The following CRX variants were observed in gnomAD, a reference collection of about 807,000 sequenced individuals.
CRX encodes the protein cone-rod homeobox, also known as cone-rod homeobox protein.
Under a neutral mutation model 13.1 loss-of-function variants are expected in CRX, and 5 were observed. That is an observed-to-expected ratio of 0.38 (90% CI 0.20 to 0.80). The LOEUF (loss-of-function observed/expected upper bound fraction) is 0.80, where lower values mean the gene tolerates loss of function less well. Among genes scored for constraint, CRX ranks in the 30% least tolerant of loss-of-function variants. The pLI is 0.43. For missense variants in CRX, 351 were observed against 391.8 expected (o/e 0.90, Z 0.88); for synonymous variants, 179 against 171.1 (o/e 1.05, Z -0.36).
At chr19:47,838,544 T>C (rs1421037809) in intron 3 of CRX, among the ~76,000 whole-genome samples, 1 of 152,134 alleles carries the variant, frequency 6.6e-6, no homozygotes, top group African/African-American at 2.4e-5. Flanking sequence ...CATTAATGCA[T>C]GTATGATGTA....
chr19:47,825,459 A>G (rs906829711), intron 1 of CRX, among the ~76,000 whole-genome samples: 2 of 152,130 alleles, frequency 1.3e-5, no homozygotes, highest in Non-Finnish European at 2.9e-5. Context: ...CAGCTGCCTC[A>G]GGTTGCTGCC....
rs146240568 is a variant in CRX at position 47,834,465 on chromosome 19, G to C, written c.22G>C (p.Gly8Arg). Residue 8 changes from glycine (G) to arginine (R), a missense_variant, in exon 2 of 4, where the codon GGG becomes CGG. Physicochemically the swap from Gly to Arg is moderately radical, Grantham distance 125. Coordinates refer to ENST00000221996, the MANE Select transcript of CRX (RefSeq NM_000554.6). MMAYMNP[G>R]PHYSVNALAL... ...GATCATGATGGCGTATATGAACCCG[G>C]GGCCCCACTATTCTGTCAACGCCTT... The C allele has an allele frequency of 3.5e-5, 57 of 1,614,112 alleles. No homozygotes were observed. The African/African-American group carries it at 7.2e-4, about 20-fold the overall frequency.
intron 1 of CRX, among the ~76,000 whole-genome samples, chr19:47,828,078 T>A (rs10410722): frequency 6.6e-6 from 1 of 150,928 alleles, no homozygotes; most frequent in Non-Finnish European, 1.5e-5. Flanking sequence ...CACTTGACCC[T>A]GGGAGGCAGA....
At chr19:47,823,857 C>T (rs368067391) in intron 1 of CRX, among the ~76,000 whole-genome samples, 2 of 152,032 alleles carry the variant, frequency 1.3e-5, no homozygotes, top group South Asian at 4.1e-4. Flanking sequence ...ACCTTGTTAG[C>T]CAGGCTGGTC....
intron 1 of CRX, among the ~76,000 whole-genome samples, chr19:47,832,773 A>C (rs756500439): frequency 2.0e-5 from 3 of 150,854 alleles, no homozygotes; most frequent in Admixed American, 6.6e-5. Flanking sequence ...GGTGTGAGCC[A>C]CTGCGCCTGG....
At chr19:47,824,824 T>C (rs1418522136) in intron 1 of CRX, among the ~76,000 whole-genome samples, 1 of 152,024 alleles carries the variant, frequency 6.6e-6, no homozygotes, top group Non-Finnish European at 1.5e-5. Context: ...GACACTGATA[T>C]TCTTTGTTCC....
intron 2 of CRX, among the ~76,000 whole-genome samples, chr19:47,834,954 C>T (rs1185834199): frequency 1.3e-5 from 2 of 151,814 alleles, no homozygotes; most frequent in African/African-American, 4.8e-5. Flanking sequence ...GCTGGGACTG[C>T]AGGTGTGAGC....
intron 2 of CRX, among the ~76,000 whole-genome samples, chr19:47,835,275 C>G (rs1226828422): frequency 2.0e-5 from 3 of 151,040 alleles, no homozygotes; most frequent in East Asian, 3.9e-4. Context: ...CCAGGCTGGT[C>G]TCAAACTCTT....
chr19:47,822,775 G>A (rs1376419125), intron 1 of CRX, among the ~76,000 whole-genome samples: 1 of 152,014 alleles, frequency 6.6e-6, no homozygotes. Context: ...CACTCTCTCT[G>A]ATCTTCTTTC....
At position 47,825,221 on chromosome 19, in the gene CRX, G is replaced by A. The variant is rs138393852; in HGVS notation, c.-36+3211G>A. Among the ~76,000 whole-genome samples the A allele has an allele frequency of 9.7e-3, 1,478 of 151,964 alleles. 21 individuals are homozygous for A. Among genetic ancestry groups the A allele is most frequent in the African/African-American group, 0.034 (1,395 of 41,438 alleles). On this transcript the variant is annotated intron_variant, in intron 1 of 3. Transcript: ENST00000221996. Reference sequence around the variant, plus strand: ...TTGAACTCCTGACCTCAAGTGATCCGCCTGCTTCAGCCTCCCAAAGTGCTG... The same window carrying A: ...TTGAACTCCTGACCTCAAGTGATCCACCTGCTTCAGCCTCCCAAAGTGCTG...
chr19:47,839,785 C>T lies in CRX; in HGVS notation c.718C>T (p.Pro240Ser). The part of the protein sequence containing the change: ...GGPALSPLSG[P>S]SVGPSLAQSP... ...CCCGGCTCTTAGCCCCCTCTCTGGC[C>T]CCTCCGTGGGACCTTCCCTGGCCCA... The change falls in exon 4 of 4, where the codon CCC becomes TCC. Residue 240 changes from proline (P) to serine (S), a missense_variant. By Grantham distance (74) the Pro-to-Ser change is moderately conservative. Around this residue, in one of 3 missense-constraint regions of CRX, gnomAD observed 253 missense variants for 268.3 expected, o/e 0.94. Transcript: ENST00000221996. The surrounding 1 kb of genome is among the most constrained non-coding windows in gnomAD (Gnocchi z 4.6). The T allele has an allele frequency of 1.2e-6, 2 of 1,614,094 alleles. No homozygotes were observed. The highest frequency in any genetic ancestry group is 1.3e-5 in the African/African-American group (1 of 75,016).
At position 47,839,417 on chromosome 19, in the gene CRX, C is replaced by T; in HGVS notation, c.350C>T (p.Ala117Val). Residue 117 changes from alanine (A) to valine (V), a missense_variant, in exon 4 of 4, where the codon GCC (alanine) becomes GTC (valine). Coordinates refer to ENST00000221996, the MANE Select transcript of CRX (RefSeq NM_000554.6). The surrounding 1 kb of genome is among the most constrained non-coding windows in gnomAD (Gnocchi z 4.6). ...PPGGQAKARP[A>V]KRKAGTSPRP... is the part of the protein sequence containing the mutation. ...GGGGGCCAGGCCAAGGCCCGGCCTG[C>T]CAAGAGGAAGGCGGGCACGTCCCCA... is the stretch of plus-strand genomic sequence containing the variant. 6 of 1,613,826 alleles carry T rather than the reference C, an allele frequency of 3.7e-6. No individual in the cohort carries two copies. The highest frequency in any genetic ancestry group is 5.1e-6 in the Non-Finnish European group (6 of 1,179,844).
rs879667901 is a variant in CRX at position 47,840,098 on chromosome 19, C to T, written c.*131C>T. ...CGAACCAGCTGTCCTTCTGACAGCT[C>T]GGTGTTCAGCTTACAGAGACCACCC... On this transcript the variant is annotated 3_prime_UTR_variant, in exon 4 of 4. Transcript: ENST00000221996. 10 of 1,061,178 alleles carry T rather than the reference C, an allele frequency of 9.4e-6. No homozygotes were observed. The highest frequency in any genetic ancestry group is 2.7e-5 in the South Asian group (2 of 72,918). The allele number at this position is 1,061,178 out of a possible 1,614,324, so 65.7% of individuals were successfully genotyped here.
At chr19:47,823,206 C>T (rs1390813409) in intron 1 of CRX, among the ~76,000 whole-genome samples, 1 of 152,076 alleles carries the variant, frequency 6.6e-6, no homozygotes, top group Non-Finnish European at 1.5e-5. Flanking sequence ...TTGGGTCAGT[C>T]CTAGACACAC....
intron 3 of CRX, 91 bp downstream of exon 3, chr19:47,836,485 T>C: frequency 6.5e-7 from 1 of 1,549,990 alleles, no homozygotes; most frequent in South Asian, 1.1e-5. Flanking sequence ...GAGGGAGAGA[T>C]CACAGAGTGA....
intron 1 of CRX, among the ~76,000 whole-genome samples, chr19:47,823,425 A>G (rs1207649713): frequency 1.3e-5 from 2 of 152,216 alleles, no homozygotes; most frequent in South Asian, 4.1e-4. Flanking sequence ...CACATTGTTG[A>G]TCACGGAGTT....
intron 1 of CRX, among the ~76,000 whole-genome samples, chr19:47,831,221 C>T (rs375968933): frequency 4.1e-5 from 6 of 147,072 alleles, no homozygotes; most frequent in African/African-American, 1.5e-4. Flanking sequence ...GCAGGAGAAT[C>T]GCTTGAACCC....
intron 1 of CRX, among the ~76,000 whole-genome samples, chr19:47,828,075 C>A (rs8104081): frequency 0.21 from 32,328 of 151,098 alleles, 3,592 homozygotes; most frequent in African/African-American, 0.24. Flanking sequence ...AATCACTTGA[C>A]CCTGGGAGGC....
In CRX at chr19:47,839,278, C is replaced by A; in HGVS notation, c.253-42C>A. On this transcript the variant is annotated intron_variant, in intron 3 of 3. Coordinates refer to ENST00000221996, the MANE Select transcript of CRX (RefSeq NM_000554.6). The surrounding 1 kb of genome is among the most constrained non-coding windows in gnomAD (Gnocchi z 4.6). ...GGCACCCTGCGGCTCTCCTGGGCCT[C>A]TTCCCCACTTACCCACCCCCATCTC... is the stretch of plus-strand genomic sequence containing the variant. 1 of 1,596,436 alleles carries A rather than the reference C, an allele frequency of 6.3e-7. No homozygotes were observed.
Sources: allele counts gnomAD v4.1 joint callset (sites outside exome capture counted in the v4.1 genomes callset), GRCh38; gene constraint gnomAD v4.1.1; regional missense constraint gnomAD v4.1.1; non-coding constraint Gnocchi (gnomAD v3.1); transcripts MANE v1.5; gene names NCBI Gene and HGNC (gene_info 2026-07-23, HGNC 2026-07-21).